EIF4G3: variants seen among roughly 807,000 people sequenced by gnomAD.
The protein encoded by EIF4G3 is eukaryotic translation initiation factor 4 gamma 3, also known as eIF-4-gamma 3.
A neutral mutation model predicts 186.4 loss-of-function variants in EIF4G3; 34 were observed. The ratio of observed to expected loss-of-function variants is 0.18; its 90% CI spans 0.14 to 0.24. The LOEUF (loss-of-function observed/expected upper bound fraction) is 0.24, where lower values mean the gene tolerates loss of function less well. Among genes scored for constraint, EIF4G3 ranks in the 10% least tolerant of loss-of-function variants. EIF4G3 has a pLI of 1.00. For missense variants in EIF4G3, 1,536 were observed against 1,948.5 expected (o/e 0.79, Z 3.99); for synonymous variants, 673 against 679.5 (o/e 0.99, Z 0.15).
Position 20,950,048 on chromosome 1 carries a change from G to C in EIF4G3, c.778C>G (p.Leu260Val). Residue 260 changes from leucine (L) to valine (V), a missense_variant, in exon 13 of 37, where the codon CTT (leucine) becomes GTT (valine). Around this residue, in one of 11 missense-constraint regions of EIF4G3, gnomAD observed 560 missense variants for 547.8 expected, o/e 1.02. Coordinates refer to ENST00000602326, the MANE Select transcript of EIF4G3 (RefSeq NM_001391906.1). ...GCAGTGACAGGGGTGCTGGCAGCAA[G>C]ATGAGCGCTCTCCACAGTCCCATAA... is the stretch of plus-strand genomic sequence containing the variant. ...VVYGTVESAH[L>V]AASTPVTAAS... 3 of 1,613,668 alleles carry C rather than the reference G, an allele frequency of 1.9e-6. No individual in the cohort carries two copies. The highest frequency in any genetic ancestry group is 2.5e-6 in the Non-Finnish European group (3 of 1,179,760).
intron 30 of EIF4G3, among the ~76,000 whole-genome samples, chr1:20,835,943 A>AG (rs1021741604): frequency 5.2e-5 from 6 of 115,632 alleles, no homozygotes; most frequent in Non-Finnish European, 9.6e-5. Flanking sequence ...TCTCAGAGAG[A>AG]AAAAAAAAAA....
intron 3 of EIF4G3, among the ~76,000 whole-genome samples, chr1:21,084,022 A>G (rs187253093): frequency 6.6e-6 from 1 of 152,142 alleles, no homozygotes; most frequent in East Asian, 1.9e-4. Flanking sequence ...TCCCATTTCA[A>G]TCACCACCAC....
In EIF4G3 at chr1:20,981,813, T is replaced by C. The variant is rs903117505; in HGVS notation, c.198+575A>G. On this transcript the variant is annotated intron_variant, in intron 8 of 36. Transcript: ENST00000602326. ...TATGTATACACACATACTGTATATATACATACATATATGTATAATAAAGTA... is the reference window on the plus strand; with the variant it reads ...TATGTATACACACATACTGTATATACACATACATATATGTATAATAAAGTA... Among the ~76,000 whole-genome samples the C allele has an allele frequency of 9.9e-5, 15 of 152,008 alleles. 1 individual carries two copies. In the South Asian group the frequency reaches 1.0e-3, roughly 11 times the overall value.
chr1:21,123,175 G>A (rs2102383044), intron 2 of EIF4G3, among the ~76,000 whole-genome samples: 1 of 152,228 alleles, frequency 6.6e-6, no homozygotes, highest in African/African-American at 2.4e-5. Flanking sequence ...AGTCCACAAT[G>A]ACTCTGAGAC....
intron 4 of EIF4G3, among the ~76,000 whole-genome samples, chr1:21,019,083 C>T (rs543546572): frequency 6.6e-6 from 1 of 152,268 alleles, no homozygotes; most frequent in South Asian, 2.1e-4. Flanking sequence ...TACAGTGGCA[C>T]AATCATAGCT....
At chr1:20,811,346 C>G (rs2059208653) in intron 35 of EIF4G3, among the ~76,000 whole-genome samples, 1 of 152,122 alleles carries the variant, frequency 6.6e-6, no homozygotes, top group South Asian at 2.1e-4. Context: ...CTCTTGGGCT[C>G]AAGCAATCCT....
At chr1:21,121,268 T>C (rs1356747007) in intron 2 of EIF4G3, among the ~76,000 whole-genome samples, 5 of 152,164 alleles carry the variant, frequency 3.3e-5, no homozygotes, top group Admixed American at 6.6e-5. Flanking sequence ...TCACAATTAT[T>C]ATTAAAGGAG....
At chr1:20,931,249 A>T (rs1449705094) in intron 14 of EIF4G3, among the ~76,000 whole-genome samples, 1 of 152,156 alleles carries the variant, frequency 6.6e-6, no homozygotes, top group Non-Finnish European at 1.5e-5. Flanking sequence ...AGCTATAGAC[A>T]TACAAAATGT....
chr1:21,023,409 C>CA (rs2091300222), intron 4 of EIF4G3, among the ~76,000 whole-genome samples: 1 of 151,608 alleles, frequency 6.6e-6, no homozygotes, highest in African/African-American at 2.4e-5. Context: ...CCTGCGATTG[C>CA]AGGCACGCGC....
At chr1:20,864,019 A>C (rs6695218) in intron 22 of EIF4G3, among the ~76,000 whole-genome samples, 60,501 of 152,030 alleles carry the variant, frequency 0.4, 12,684 homozygotes, top group East Asian at 0.51. Flanking sequence ...TCTTTGAAGC[A>C]TTTCTAATTT....
intron 4 of EIF4G3, among the ~76,000 whole-genome samples, chr1:21,006,144 T>C (rs1046354097): frequency 1.1e-4 from 16 of 152,230 alleles, no homozygotes; most frequent in African/African-American, 3.9e-4. Context: ...GTATGACTTG[T>C]TACCTATCAT....
At chr1:21,065,456 G>A (rs1379264635) in intron 3 of EIF4G3, among the ~76,000 whole-genome samples, 3 of 151,548 alleles carry the variant, frequency 2.0e-5, no homozygotes, top group Admixed American at 2.0e-4. Context: ...TAGCTCTAGG[G>A]AGGCTGGGAG....
chr1:20,890,081 T>C (rs34991292), intron 18 of EIF4G3, among the ~76,000 whole-genome samples: 4,245 of 151,778 alleles, frequency 0.028, 91 homozygotes, highest in Middle Eastern at 0.052. Context: ...CAAGCGATTC[T>C]TGTGCCTCAG....
chr1:21,038,409 A>G (rs1394290134), intron 4 of EIF4G3, among the ~76,000 whole-genome samples: 3 of 152,200 alleles, frequency 2.0e-5, no homozygotes, highest in Non-Finnish European at 4.4e-5. Flanking sequence ...AATGGCTGCT[A>G]TTTAGGACCC....
chr1:21,007,721 T>C (rs2085677997), intron 4 of EIF4G3, among the ~76,000 whole-genome samples: 1 of 151,774 alleles, frequency 6.6e-6, no homozygotes, highest in Non-Finnish European at 1.5e-5. Flanking sequence ...TTTTTAAGTA[T>C]AAAAAGACTC....
intron 2 of EIF4G3, among the ~76,000 whole-genome samples, chr1:21,097,487 T>G (rs932618154): frequency 2.0e-5 from 3 of 152,188 alleles, no homozygotes; most frequent in Non-Finnish European, 4.4e-5. Context: ...AAATGTCTGT[T>G]TTTTATGATA....
chr1:21,086,959 A>G (rs1410175839), intron 3 of EIF4G3, among the ~76,000 whole-genome samples: 1 of 151,110 alleles, frequency 6.6e-6, no homozygotes, highest in Non-Finnish European at 1.5e-5. Flanking sequence ...AAAAAGAAAA[A>G]AAGAAATGGC....
chr1:21,104,536 G>C (rs1470268359), intron 2 of EIF4G3, among the ~76,000 whole-genome samples: 2 of 152,180 alleles, frequency 1.3e-5, no homozygotes, highest in Non-Finnish European at 2.9e-5. Flanking sequence ...CCTTATACCA[G>C]TCACGATGGC....
chr1:20,817,174 C>A (rs1236364672), intron 34 of EIF4G3, among the ~76,000 whole-genome samples: 1 of 141,356 alleles, frequency 7.1e-6, no homozygotes, highest in Non-Finnish European at 1.5e-5. Flanking sequence ...TGCTGACCTT[C>A]CCTCCACTAT....
Sources: gnomAD v4.1 joint callset for allele counts (sites outside exome capture counted in the v4.1 genomes callset) on GRCh38, gnomAD v4.1.1 for gene constraint, gnomAD v4.1.1 regional missense constraint, MANE v1.5 for transcripts, NCBI Gene and HGNC (gene_info 2026-07-23, HGNC 2026-07-21) for gene names.